Variants in ACTR3B observed in about 807,000 individuals in gnomAD.
ACTR3B encodes the protein actin related protein 3B.
Under a neutral mutation model 59.0 loss-of-function variants are expected in ACTR3B, and 8 were observed. The observed-to-expected ratio is 0.14, with a 90% confidence interval of 0.08 to 0.24. The LOEUF is 0.24. Among genes scored for constraint, ACTR3B ranks in the 10% least tolerant of loss-of-function variants. ACTR3B has a pLI of 1.00. For missense variants in ACTR3B, 245 were observed against 552.3 expected, an observed-to-expected ratio of 0.44 and a Z score of 5.58; for synonymous variants, 148 against 197.9, an observed-to-expected ratio of 0.75 and a Z score of 2.12.
intron 9 of ACTR3B, among the ~76,000 whole-genome samples, chr7:152,831,543 CT>C (rs1208842639): frequency 1.3e-5 from 2 of 152,238 alleles, no homozygotes; most frequent in East Asian, 3.8e-4. Flanking sequence ...GCGTTTTAAA[CT>C]TTAACTATTG....
chr7:152,789,769 A>G (rs1435466656), intron 2 of ACTR3B, among the ~76,000 whole-genome samples: 1 of 152,038 alleles, frequency 6.6e-6, no homozygotes, highest in Non-Finnish European at 1.5e-5. Flanking sequence ...TGCTTTTTTG[A>G]CTTTCTGACT....
At chr7:152,820,251 C>T (rs769558287) in intron 6 of ACTR3B, 48 bp from the exon 7 acceptor site, 7 of 1,575,088 alleles carry the variant, frequency 4.4e-6, no homozygotes, top group African/African-American at 2.7e-5. Flanking sequence ...GGCTGCTCTC[C>T]ACCACGAAAT....
At chr7:152,779,757 G>A (rs973286530) in intron 1 of ACTR3B, among the ~76,000 whole-genome samples, 1 of 152,102 alleles carries the variant, frequency 6.6e-6, no homozygotes, top group Non-Finnish European at 1.5e-5. Context: ...CATCTACTGA[G>A]TTATATTTAA....
At chr7:152,823,563 C>A (rs756808204) in intron 8 of ACTR3B, 48 bp downstream of exon 8, 1 of 1,593,690 alleles carries the variant, frequency 6.3e-7, no homozygotes, top group East Asian at 2.2e-5. Flanking sequence ...TGGAGCGATA[C>A]TGCCACCCAG....
intron 9 of ACTR3B, among the ~76,000 whole-genome samples, chr7:152,845,183 A>T (rs1463321357): frequency 6.6e-6 from 1 of 151,446 alleles, no homozygotes; most frequent in Non-Finnish European, 1.5e-5. Flanking sequence ...TATACAGTAT[A>T]TGCTGGGTAA....
At chr7:152,826,234 A>G (rs1052717131) in intron 9 of ACTR3B, among the ~76,000 whole-genome samples, 1 of 152,224 alleles carries the variant, frequency 6.6e-6, no homozygotes, top group African/African-American at 2.4e-5. Flanking sequence ...TATTAAGTGA[A>G]AAAGGAACTT....
intron 4 of ACTR3B, among the ~76,000 whole-genome samples, chr7:152,804,667 C>T (rs771168225): frequency 7.2e-5 from 11 of 152,156 alleles, no homozygotes; most frequent in Middle Eastern, 3.2e-3. Flanking sequence ...TCAAAACCAC[C>T]CATGAAAATC....
intron 9 of ACTR3B, among the ~76,000 whole-genome samples, chr7:152,847,812 CTG>C (rs1798473586): frequency 6.6e-6 from 1 of 152,180 alleles, no homozygotes; most frequent in South Asian, 2.1e-4. Flanking sequence ...CCAGCTTTTT[CTG>C]ACACTGAGAC....
intron 1 of ACTR3B, among the ~76,000 whole-genome samples, chr7:152,773,642 A>C (rs1341357141): frequency 6.6e-6 from 1 of 152,210 alleles, no homozygotes; most frequent in African/African-American, 2.4e-5. Flanking sequence ...CAGTAAAAGA[A>C]AGCGTGAGTA....
intron 9 of ACTR3B, among the ~76,000 whole-genome samples, chr7:152,833,689 G>T (rs1361078679): frequency 2.6e-5 from 4 of 152,158 alleles, no homozygotes; most frequent in African/African-American, 9.7e-5. Flanking sequence ...AGCACTTGCT[G>T]TTAATATAGA....
chr7:152,760,550 G>C (rs531991227), intron 1 of ACTR3B, among the ~76,000 whole-genome samples: 2 of 152,156 alleles, frequency 1.3e-5, no homozygotes, highest in African/African-American at 4.8e-5. Context: ...GGCACACTCA[G>C]GCCAAGCTGT....
intron 2 of ACTR3B, among the ~76,000 whole-genome samples, chr7:152,790,756 A>G (rs1354045701): frequency 2.0e-5 from 3 of 152,130 alleles, no homozygotes; most frequent in African/African-American, 7.2e-5. Flanking sequence ...AAAAATATCT[A>G]ACAGTCTTTT....
chr7:152,847,893 G>A (rs1210361559), intron 9 of ACTR3B, among the ~76,000 whole-genome samples: 1 of 152,172 alleles, frequency 6.6e-6, no homozygotes, highest in African/African-American at 2.4e-5. Context: ...AGTGGATAAT[G>A]ATGCGCGTTT....
intron 4 of ACTR3B, among the ~76,000 whole-genome samples, chr7:152,805,562 A>G (rs1315208027): frequency 2.6e-5 from 4 of 152,184 alleles, no homozygotes; most frequent in Non-Finnish European, 5.9e-5. Context: ...CTGTGAAATC[A>G]TTTTCCTCAT....
At chr7:152,815,338 G>C (rs2689614) in intron 5 of ACTR3B, among the ~76,000 whole-genome samples, 2 of 152,188 alleles carry the variant, frequency 1.3e-5, no homozygotes, top group Admixed American at 6.5e-5. Context: ...AGGCTCTGAG[G>C]ATTCCTGTGT....
At chr7:152,780,225 C>T (rs2098147595) in intron 1 of ACTR3B, among the ~76,000 whole-genome samples, 1 of 151,698 alleles carries the variant, frequency 6.6e-6, no homozygotes, top group African/African-American at 2.4e-5. Context: ...GTGGCAGGCG[C>T]CTGTAATTCC....
intron 9 of ACTR3B, among the ~76,000 whole-genome samples, chr7:152,833,311 G>A (rs566974511): frequency 2.0e-5 from 3 of 152,240 alleles, no homozygotes; most frequent in Non-Finnish European, 2.9e-5. Flanking sequence ...CTAGGACACC[G>A]TTGGGTATCA....
At chr7:152,808,925 C>T (rs35643413) in intron 4 of ACTR3B, among the ~76,000 whole-genome samples, 9 of 152,270 alleles carry the variant, frequency 5.9e-5, no homozygotes, top group Non-Finnish European at 8.8e-5. Flanking sequence ...TTCAGATCGA[C>T]AGGAGGTAGC....
intron 9 of ACTR3B, among the ~76,000 whole-genome samples, chr7:152,843,145 T>C (rs1797996466): frequency 6.6e-6 from 1 of 152,228 alleles, no homozygotes; most frequent in Non-Finnish European, 1.5e-5. Context: ...CTGTGGCTTG[T>C]CTTTTCATAT....
Sources: allele counts gnomAD v4.1 joint callset (sites outside exome capture counted in the v4.1 genomes callset), GRCh38; gene constraint gnomAD v4.1.1; transcripts MANE v1.5; gene names NCBI Gene and HGNC (gene_info 2026-07-23, HGNC 2026-07-21).